NECAB2: variants seen among roughly 807,000 people sequenced by gnomAD.
NECAB2 encodes N-terminal EF-hand calcium binding protein 2, also known as N-terminal EF-hand calcium-binding protein 2.
A neutral mutation model predicts 51.9 loss-of-function variants in NECAB2; 68 were observed. The ratio of observed to expected loss-of-function variants is 1.31; its 90% CI spans 1.08 to 1.60. The LOEUF (loss-of-function observed/expected upper bound fraction) is 1.60. Among genes scored for constraint, NECAB2 ranks in the 40% most tolerant of loss-of-function variants. The pLI is 0.00. For synonymous variants in NECAB2, 329 were observed against 203.5 expected, an observed-to-expected ratio of 1.62 and a Z score of -5.25; for missense variants, 854 against 490.3, an observed-to-expected ratio of 1.74 and a Z score of -7.00.
intron 6 of NECAB2, 115 bp downstream of exon 6, chr16:83,990,745 G>A (rs1328414783): frequency 1.4e-6 from 2 of 1,382,086 alleles, no homozygotes; most frequent in Non-Finnish European, 1.9e-6. Flanking sequence ...CCTTGGGCAA[G>A]TTGCCACAGC....
Position 83,968,624 on chromosome 16 carries a change from GGGCGGC to G in NECAB2, c.-16_-11del. On this transcript the variant is annotated 5_prime_UTR_variant, in exon 1 of 13. Coordinates refer to ENST00000305202, the MANE Select transcript of NECAB2 (RefSeq NM_019065.3). Reference sequence around the variant, plus strand: ...GCTGGGCGGGGGTCGGCGGGCTTCCGGGCGGCGGCGGCGGGCGCGGCGCGATGTGCG... The same window carrying G: ...GCTGGGCGGGGGTCGGCGGGCTTCCGGGCGGCGGGCGCGGCGCGATGTGCG... 3 of 978,610 alleles carry G rather than the reference GGGCGGC, an allele frequency of 3.1e-6. No homozygotes were observed. Among genetic ancestry groups the G allele is most frequent in the Non-Finnish European group, 3.6e-6 (3 of 827,024 alleles). 60.6% of individuals were successfully genotyped at this position (978,610 alleles called of 1,614,324 possible). A position where few individuals can be genotyped will look rare whatever the true frequency, so the allele number is the denominator to read the frequency against.
At chr16:83,992,666 G>C (rs1036617618) in intron 6 of NECAB2, among the ~76,000 whole-genome samples, 2 of 152,160 alleles carry the variant, frequency 1.3e-5, no homozygotes, top group African/African-American at 4.8e-5. Flanking sequence ...GTAACTCTGA[G>C]ACACTGTTTC....
intron 11 of NECAB2, 67 bp downstream of exon 11, chr16:84,000,868 G>T: frequency 6.6e-7 from 1 of 1,518,540 alleles, no homozygotes; most frequent in Non-Finnish European, 9.1e-7. Context: ...TCTTCCTGGA[G>T]CCAGGCATCC....
At chr16:83,992,729 T>C (rs1343690672) in intron 6 of NECAB2, among the ~76,000 whole-genome samples, 3 of 152,176 alleles carry the variant, frequency 2.0e-5, no homozygotes, top group Non-Finnish European at 4.4e-5. Context: ...AAAATTAAAA[T>C]ACACATTCCT....
intron 1 of NECAB2, among the ~76,000 whole-genome samples, chr16:83,971,280 C>G (rs944580343): frequency 9.2e-5 from 14 of 152,110 alleles, no homozygotes; most frequent in Non-Finnish European, 1.5e-4. Flanking sequence ...GCCTGGGAGG[C>G]TTTAAAAATG....
Position 84,002,384 on chromosome 16 carries a change from C to A in NECAB2, c.*38C>A, listed in dbSNP as rs766803860. ...GGCCCGTGGAGGAGCCCACCAGCCCCTTCTTCTTGTGAAGGAAATCCCGTT... is the reference window on the plus strand; with the variant it reads ...GGCCCGTGGAGGAGCCCACCAGCCCATTCTTCTTGTGAAGGAAATCCCGTT... On this transcript the variant is annotated 3_prime_UTR_variant, in exon 13 of 13. Transcript: ENST00000305202. 1 of 1,604,548 alleles carries A rather than the reference C, an allele frequency of 6.2e-7. No individual in the cohort carries two copies. The highest frequency in any genetic ancestry group is 8.5e-7 in the Non-Finnish European group (1 of 1,175,732).
In NECAB2 at chr16:84,001,841, C is replaced by T. The variant is rs2271298; in HGVS notation, c.1057C>T (p.Leu353=). ...GCGTCACAGGCACCTGCAGAGCCCC[C>T]TGTGTAAGGCGTTCCGGCACGTCAA... ...EAWKRHLQSP[L]CKAFRHVKVD... Residue 353 remains leucine (L), a synonymous_variant, in exon 12 of 13, where the codon CTG becomes TTG. Coordinates refer to ENST00000305202, the MANE Select transcript of NECAB2 (RefSeq NM_019065.3). 12 of 1,613,860 alleles carry T rather than the reference C, an allele frequency of 7.4e-6. No individual in the cohort carries two copies. The highest frequency in any genetic ancestry group is 2.7e-5 in the African/African-American group (2 of 74,856).
intron 1 of NECAB2, among the ~76,000 whole-genome samples, chr16:83,971,293 G>T (rs2084344359): frequency 6.6e-6 from 1 of 152,208 alleles, no homozygotes; most frequent in African/African-American, 2.4e-5. Context: ...TAAAAATGCT[G>T]AAATCAGAGT....
At chr16:83,987,269 T>A (rs1218397412) in intron 5 of NECAB2, among the ~76,000 whole-genome samples, 1 of 152,228 alleles carries the variant, frequency 6.6e-6, no homozygotes, top group African/African-American at 2.4e-5. Context: ...TTTGCGTCCT[T>A]ATTTATTATT....
intron 9 of NECAB2, 22 bp from the exon 10 acceptor site, chr16:83,998,181 ACT>A (rs756350986): frequency 6.2e-6 from 10 of 1,601,122 alleles, no homozygotes; most frequent in Non-Finnish European, 8.5e-6. Context: ...GGAGCCCCAC[ACT>A]GACTCCTGCT....
intron 2 of NECAB2, 118 bp downstream of exon 2, chr16:83,972,293 G>A: frequency 6.8e-7 from 1 of 1,460,090 alleles, no homozygotes; most frequent in South Asian, 1.2e-5. Flanking sequence ...GGAGTGCAGG[G>A]GTCTGAAGTT....
At chr16:84,002,008 C>G (rs1307074239) in intron 12 of NECAB2, 92 bp downstream of exon 12, 7 of 1,414,106 alleles carry the variant, frequency 5.0e-6, no homozygotes, top group East Asian at 2.5e-5. Context: ...GGGGACTTGC[C>G]TGCTTGCTGT....
Position 83,994,423 on chromosome 16 carries a change from G to A in NECAB2, c.715+3G>A, listed in dbSNP as rs759470090. The stretch of plus-strand genomic sequence containing the variant: ...ACAAGGCAAGACCCTTCCATCTGGT[G>A]AGAGAAAGCGGGGGCCCTGGTGGGG... On this transcript the variant is annotated splice_donor_region_variant and intron_variant, in intron 7 of 12. Transcript: ENST00000305202. The A allele has an allele frequency of 6.8e-6, 11 of 1,613,854 alleles. No homozygotes were observed. Among genetic ancestry groups the A allele is most frequent in the Non-Finnish European group, 5.9e-6 (7 of 1,179,846 alleles).
chr16:83,984,088 C>T (rs769518329), intron 5 of NECAB2, among the ~76,000 whole-genome samples: 10 of 151,354 alleles, frequency 6.6e-5, no homozygotes, highest in African/African-American at 1.9e-4. Context: ...CTCCGCCTCC[C>T]GGGTTCACGC....
Position 84,001,802 on chromosome 16 carries a change from T to A in NECAB2, c.1041-23T>A, listed in dbSNP as rs200097885. The A allele has an allele frequency of 3.3e-4, 530 of 1,613,308 alleles. 2 individuals carry two copies. The highest frequency in any genetic ancestry group is 1.8e-3 in the Middle Eastern group (11 of 6,050). On this transcript the variant is annotated intron_variant, in intron 11 of 12. Coordinates refer to ENST00000305202, the MANE Select transcript of NECAB2 (RefSeq NM_019065.3). ...GAGCTCCACTCCTGCCACCCCTGAC[T>A]CACACATGTCCCTGCGTCACAGGCA...
rs981005588 is a variant in NECAB2 at position 83,999,227 on chromosome 16, G to C, written c.962+910G>C. Among the ~76,000 whole-genome samples the C allele has an allele frequency of 4.6e-5, 7 of 152,004 alleles. No individual in the cohort carries two copies. In the East Asian group the frequency reaches 1.4e-3, roughly 29 times the overall value. Reference sequence around the variant, plus strand: ...AGGAGTGCGGCCGTTCCCGAGACTCGGCGTGGCCACGAGGGGCCATTCTTG... The same window carrying C: ...AGGAGTGCGGCCGTTCCCGAGACTCCGCGTGGCCACGAGGGGCCATTCTTG... On this transcript the variant is annotated intron_variant, in intron 10 of 12. Transcript: ENST00000305202.
intron 6 of NECAB2, among the ~76,000 whole-genome samples, chr16:83,992,377 T>TCCCCACCCCCC (rs1555548085): frequency 1.5e-5 from 2 of 133,044 alleles, no homozygotes; most frequent in African/African-American, 3.2e-5. Flanking sequence ...CGAGCACCCG[T>TCCCCACCCCCC]CCCCCCGCCC....
chr16:83,974,691 C>T (rs1333350689), intron 2 of NECAB2, among the ~76,000 whole-genome samples: 1 of 152,174 alleles, frequency 6.6e-6, no homozygotes, highest in African/African-American at 2.4e-5. Flanking sequence ...GGCAGCGGTG[C>T]AGGCAGGTTC....
At chr16:83,994,164 A>T in intron 6 of NECAB2, 138 bp from the exon 7 acceptor site, 1 of 781,342 alleles carries the variant, frequency 1.3e-6, no homozygotes, top group Non-Finnish European at 2.1e-6. Flanking sequence ...TCCTCTGTCA[A>T]AACAAAGGCC....
Sources: gnomAD v4.1 joint callset for allele counts (sites outside exome capture counted in the v4.1 genomes callset) on GRCh38, gnomAD v4.1.1 for gene constraint, MANE v1.5 for transcripts, NCBI Gene and HGNC (gene_info 2026-07-23, HGNC 2026-07-21) for gene names.